MOBP: variants seen among roughly 807,000 people sequenced by gnomAD.
MOBP encodes the protein myelin associated oligodendrocyte basic protein.
Under a neutral mutation model 15.0 loss-of-function variants are expected in MOBP, and 5 were observed. The observed-to-expected ratio is 0.33, with a 90% CI of 0.17 to 0.70. The LOEUF (loss-of-function observed/expected upper bound fraction) is 0.70, where lower values mean the gene tolerates loss of function less well. Among genes scored for constraint, MOBP ranks in the 30% least tolerant of loss-of-function variants. The pLI is 0.67. For missense variants in MOBP, 188 were observed against 257.8 expected (o/e 0.73, Z 1.85); for synonymous variants, 88 against 99.0 (o/e 0.89, Z 0.66).
At chr3:39,513,508 G>A (rs757472283) in exon 5 of MOBP, 12 of 1,361,014 alleles carry the variant, frequency 8.8e-6, no homozygotes, top group Non-Finnish European at 1.2e-5. Flanking sequence ...GAAGTTATCT[G>A]GCTTCAAATA....
At chr3:39,473,741 C>T (rs1224582583) in intron 1 of MOBP, among the ~76,000 whole-genome samples, 1 of 152,110 alleles carries the variant, frequency 6.6e-6, no homozygotes, top group Non-Finnish European at 1.5e-5. Context: ...GATGCCAGAG[C>T]ATCAAGAAAG....
At chr3:39,517,842 G>A (rs2043222162), downstream of MOBP, 1 of 152,082 alleles carries the variant, frequency 6.6e-6, no homozygotes, top group Non-Finnish European at 1.5e-5. Flanking sequence ...TATATTTTTA[G>A]TTTTAAACAA....
chr3:39,527,708 C>G (rs565333153), downstream of MOBP: 15 of 152,432 alleles, frequency 9.8e-5, no homozygotes, highest in African/African-American at 3.6e-4. Context: ...ATCCACCCAC[C>G]TGGGCCTCCC....
At chr3:39,468,806 ATG>A (rs1491265975) in intron 1 of MOBP, among the ~76,000 whole-genome samples, 6,000 of 121,236 alleles carry the variant, frequency 0.049, 1,014 homozygotes, top group Middle Eastern at 0.14. Flanking sequence ...ATATATACAT[ATG>A]TGTGTGTATA....
downstream of MOBP, among the ~76,000 whole-genome samples, chr3:39,520,985 T>C (rs981461014): frequency 6.6e-6 from 1 of 152,094 alleles, no homozygotes; most frequent in Non-Finnish European, 1.5e-5. Flanking sequence ...CTTGCTCTGT[T>C]ACTCAGGCTG....
chr3:39,496,268 G>A (rs146395578), intron 2 of MOBP, among the ~76,000 whole-genome samples: 7 of 144,856 alleles, frequency 4.8e-5, no homozygotes, highest in African/African-American at 1.0e-4. Context: ...GCCCGATCTC[G>A]GCTCAGTGCA....
intron 1 of MOBP, among the ~76,000 whole-genome samples, chr3:39,467,976 T>G (rs1335404580): frequency 6.6e-6 from 1 of 152,176 alleles, no homozygotes; most frequent in African/African-American, 2.4e-5. Flanking sequence ...GGAAATCGTC[T>G]GAGCCCAGAG....
Position 39,502,693 on chromosome 3 carries a change from G to T in MOBP, c.365G>T (p.Arg122Met). The change falls in exon 4 of 4, where the codon AGG (arginine) becomes ATG (methionine). Residue 122 changes from arginine (R) to methionine (M), a missense_variant. Transcript: ENST00000684792. This position sits in a 1 kb window ranked among gnomAD's most constrained non-coding sequence, Gnocchi z 6.3. The part of the protein sequence containing the change: ...RSERQPRSPP[R>M]SERQPRSPPR... ...GAGCGTCAGCCACGGTCCCCTCCGA[G>T]GTCTGAGCGTCAGCCACGGTCCCCT... The T allele has an allele frequency of 6.6e-7, 1 of 1,520,704 alleles. No homozygotes were observed. The highest frequency in any genetic ancestry group is 8.8e-7 in the Non-Finnish European group (1 of 1,139,498). The allele number at this position is 1,520,704 out of a possible 1,614,324, so 94.2% of individuals were successfully genotyped here.
intron 2 of MOBP, chr3:39,499,602 G>A (rs1178606304): frequency 6.4e-6 from 1 of 155,702 alleles, no homozygotes; most frequent in African/African-American, 2.4e-5. Flanking sequence ...AGAGCTTTAG[G>A]TCCTGAGTTT....
chr3:39,479,129 T>C (rs549514904), intron 1 of MOBP, among the ~76,000 whole-genome samples: 2 of 152,218 alleles, frequency 1.3e-5, no homozygotes, highest in South Asian at 2.1e-4. Flanking sequence ...CGCACGGCCC[T>C]GATCATTTTT....
intron 1 of MOBP, among the ~76,000 whole-genome samples, chr3:39,468,642 C>T (rs1482595828): frequency 1.3e-5 from 2 of 151,878 alleles, no homozygotes; most frequent in East Asian, 3.9e-4. Context: ...TTCTCTTTCT[C>T]TCTCTCTGTA....
chr3:39,516,169 G>T (rs554501487), downstream of MOBP, among the ~76,000 whole-genome samples: 5 of 152,304 alleles, frequency 3.3e-5, no homozygotes, highest in African/African-American at 9.6e-5. Flanking sequence ...ATTTGCAATT[G>T]TAGATGCAAT....
chr3:39,526,091 T>G (rs572314779), downstream of MOBP: 62 of 152,238 alleles, frequency 4.1e-4, no homozygotes, highest in African/African-American at 1.4e-3. Context: ...GAGAACAAAT[T>G]ACTGGCCCAG....
Position 39,502,889 on chromosome 3 carries a change from C to A in MOBP, c.*9C>A. The A allele has an allele frequency of 1.7e-6, 2 of 1,174,768 alleles. No individual in the cohort carries two copies. The highest frequency in any genetic ancestry group is 2.4e-6 in the Non-Finnish European group (2 of 849,636). 72.8% of individuals were successfully genotyped at this position (1,174,768 alleles called of 1,614,324 possible). A position where few individuals can be genotyped will look rare whatever the true frequency, so the allele number is the denominator to read the frequency against. On this transcript the variant is annotated 3_prime_UTR_variant, in exon 4 of 4. Coordinates refer to ENST00000684792, the MANE Select transcript of MOBP (RefSeq NM_001393704.1). The surrounding 1 kb of genome is among the most constrained non-coding windows in gnomAD (Gnocchi z 6.3). ...CTTCTAGGTTCTGGTAACACCATCT[C>A]TTCCCTTTTGTTCCCCAGCCCTAAG...
intron 2 of MOBP, 70 bp from the exon 3 acceptor site, chr3:39,501,996 A>G: frequency 7.5e-7 from 1 of 1,340,004 alleles, no homozygotes. Context: ...GGGGGCTTCC[A>G]GAGTAGAGGG....
chr3:39,476,655 A>G (rs1354134375), intron 1 of MOBP, among the ~76,000 whole-genome samples: 1 of 152,036 alleles, frequency 6.6e-6, no homozygotes, highest in South Asian at 2.1e-4. Context: ...CAGTGTGGTT[A>G]TGTGATTCAT....
chr3:39,525,096 A>C (rs1258197735), downstream of MOBP: 2 of 152,222 alleles, frequency 1.3e-5, no homozygotes, highest in African/African-American at 4.8e-5. Context: ...AGGGTATCCC[A>C]AAAATAAAAC....
chr3:39,486,817 C>T (rs1055136939), intron 2 of MOBP, among the ~76,000 whole-genome samples: 22 of 151,434 alleles, frequency 1.5e-4, no homozygotes, highest in South Asian at 1.2e-3. Flanking sequence ...ATGATTTGTA[C>T]GAGTTCTTTA....
At position 39,502,318 on chromosome 3, in the gene MOBP, C is replaced by T. The variant is rs753894258; in HGVS notation, c.206+43C>T. ...CCCGCGGCACCAGTTGGGCACAGCG[C>T]GTGGTCTCGGCTCCCAGCACGCCCC... On this transcript the variant is annotated intron_variant, in intron 3 of 3. Coordinates refer to ENST00000684792, the MANE Select transcript of MOBP (RefSeq NM_001393704.1). This position sits in a 1 kb window ranked among gnomAD's most constrained non-coding sequence, Gnocchi z 6.3. 9 of 1,610,848 alleles carry T rather than the reference C, an allele frequency of 5.6e-6. No homozygotes were observed. Among genetic ancestry groups the T allele is most frequent in the Non-Finnish European group, 7.6e-6 (9 of 1,178,574 alleles).
Sources: gnomAD v4.1 joint callset for allele counts (sites outside exome capture counted in the v4.1 genomes callset) on GRCh38, gnomAD v4.1.1 for gene constraint, Gnocchi (gnomAD v3.1) non-coding constraint, MANE v1.5 for transcripts, NCBI Gene and HGNC (gene_info 2026-07-23, HGNC 2026-07-21) for gene names.